Variants in QRFP observed in about 807,000 individuals in gnomAD.
The protein encoded by QRFP is orexigenic neuropeptide QRFP.
A neutral mutation model predicts 9.1 loss-of-function variants in QRFP; 7 were observed. The ratio of observed to expected loss-of-function variants is 0.77; its 90% CI spans 0.44 to 1.45. QRFP has a LOEUF of 1.45. Among genes scored for constraint, QRFP ranks in the 40% most tolerant of loss-of-function variants. The pLI, the probability that QRFP is intolerant of heterozygous loss-of-function variation, is 0.01. For synonymous variants in QRFP, 91 were observed against 80.2 expected, an observed-to-expected ratio of 1.13 and a Z score of -0.72; for missense variants, 204 against 185.4, an observed-to-expected ratio of 1.10 and a Z score of -0.58.
intron 2 of QRFP, among the ~76,000 whole-genome samples, chr9:130,894,701 T>C (rs1042672447): frequency 6.6e-5 from 10 of 152,268 alleles, no homozygotes; most frequent in East Asian, 1.9e-4. Context: ...CCAGATCTCA[T>C]GGCCTTATCA....
chr9:130,893,697 G>A lies in QRFP; in HGVS notation c.142C>T (p.Arg48Ter), dbSNP rs141580916. Residue 48 changes from arginine to a stop codon, truncating the protein, a stop_gained, in exon 3 of 3, where the codon CGA becomes TGA. Transcript: ENST00000623824. LOFTEE classifies it high-confidence loss of function. ...ERWADLAMGP[R>*]PHSVWGSSRW... Reference sequence around the variant, plus strand: ...GAGGAACCCCACACGGAGTGGGGTCGGGGCCCCATGGCCAGGTCGGCCCAG... The same window carrying A: ...GAGGAACCCCACACGGAGTGGGGTCAGGGCCCCATGGCCAGGTCGGCCCAG... 35 of 1,609,194 alleles carry A rather than the reference G, an allele frequency of 2.2e-5. No homozygotes were observed. Among genetic ancestry groups the A allele is most frequent in the Admixed American group, 6.7e-5 (4 of 59,454 alleles).
Position 130,893,565 on chromosome 9 carries a change from C to T in QRFP, c.274G>A (p.Asp92Asn). 6.2e-7 allele frequency: 1 copy of T among 1,612,898 alleles called. No homozygotes were observed. The highest frequency in any genetic ancestry group is 8.5e-7 in the Non-Finnish European group (1 of 1,179,830). ...AGCRFRFGRQDEGSEATGFLP... is the reference protein window; with the variant it reads ...AGCRFRFGRQNEGSEATGFLP... ...AAGCCGGTGGCCTCACTGCCTTCGT[C>T]CTGCCTCCCGAAGCGGAATCTGCAG... The change falls in exon 3 of 3, where the codon GAC (aspartate) becomes AAC (asparagine). Residue 92 changes from aspartate to asparagine, a missense_variant. Transcript: ENST00000623824.
chr9:130,895,172 G>A (rs2133052388), intron 2 of QRFP, among the ~76,000 whole-genome samples: 1 of 152,336 alleles, frequency 6.6e-6, no homozygotes, highest in African/African-American at 2.4e-5. Flanking sequence ...CAGGGCGCAG[G>A]CAGAGTGGGG....
chr9:130,895,407 A>G (rs1436271570), intron 2 of QRFP, among the ~76,000 whole-genome samples: 1 of 152,202 alleles, frequency 6.6e-6, no homozygotes, highest in Admixed American at 6.5e-5. Flanking sequence ...AATCTGGTAG[A>G]AAGTGGGGAT....
chr9:130,896,174 G>A (rs1831755527), intron 1 of QRFP, among the ~76,000 whole-genome samples, 193 bp from the exon 2 acceptor site: 1 of 152,178 alleles, frequency 6.6e-6, no homozygotes, highest in African/African-American at 2.4e-5. Flanking sequence ...TTGCAGGATG[G>A]CTTTCATGGG....
intron 2 of QRFP, among the ~76,000 whole-genome samples, chr9:130,894,129 C>T (rs955953586): frequency 1.3e-5 from 2 of 152,078 alleles, no homozygotes; most frequent in Non-Finnish European, 2.9e-5. Flanking sequence ...CAGGCGGCCC[C>T]GGGAGAGTCA....
intron 2 of QRFP, among the ~76,000 whole-genome samples, chr9:130,895,393 C>T (rs1417720273): frequency 1.3e-5 from 2 of 152,222 alleles, no homozygotes; most frequent in Admixed American, 6.5e-5. Context: ...TGCACCCCTT[C>T]AAGAATCTGG....
chr9:130,894,184 A>G (rs2133051612), intron 2 of QRFP, among the ~76,000 whole-genome samples: 1 of 152,358 alleles, frequency 6.6e-6, no homozygotes, highest in South Asian at 2.1e-4. Flanking sequence ...TGGCCATATC[A>G]TTGCAGAGCC....
chr9:130,893,940 CA>C (rs1588287712), intron 2 of QRFP, 102 bp from the exon 3 acceptor site: 1 of 1,157,974 alleles, frequency 8.6e-7, no homozygotes, highest in East Asian at 2.6e-5. Flanking sequence ...TAGATGTGAG[CA>C]GGGGGCTCAG....
intron 2 of QRFP, among the ~76,000 whole-genome samples, chr9:130,894,856 C>T (rs768479878): frequency 1.3e-5 from 2 of 152,138 alleles, no homozygotes; most frequent in Non-Finnish European, 2.9e-5. Context: ...AACACTTGCT[C>T]CCTTGTCTGG....
intron 2 of QRFP, among the ~76,000 whole-genome samples, chr9:130,894,407 C>T (rs1363246474): frequency 6.6e-6 from 1 of 152,094 alleles, no homozygotes; most frequent in Non-Finnish European, 1.5e-5. Context: ...GCCTGGGCAC[C>T]GTAGGTCTGC....
At chr9:130,894,319 TG>T (rs1386795446) in intron 2 of QRFP, among the ~76,000 whole-genome samples, 1 of 152,194 alleles carries the variant, frequency 6.6e-6, no homozygotes, top group Admixed American at 6.5e-5. Flanking sequence ...GAGTTGCTCC[TG>T]AAAGCCAGAA....
At chr9:130,894,668 T>A (rs1831733551) in intron 2 of QRFP, among the ~76,000 whole-genome samples, 1 of 152,148 alleles carries the variant, frequency 6.6e-6, no homozygotes, top group African/African-American at 2.4e-5. Context: ...GGTGTCGGTC[T>A]CAAACAGCTG....
intron 2 of QRFP, among the ~76,000 whole-genome samples, chr9:130,894,402 G>T (rs1831730303): frequency 1.3e-5 from 2 of 152,116 alleles, no homozygotes; most frequent in African/African-American, 4.8e-5. Context: ...CTGGGGCCTG[G>T]GCACCGTAGG....
intron 2 of QRFP, 96 bp from the exon 3 acceptor site, chr9:130,893,934 TG>T: frequency 8.0e-7 from 1 of 1,247,580 alleles, no homozygotes. Flanking sequence ...GCAGCGTAGA[TG>T]TGAGCAGGGG....
In QRFP at chr9:130,893,353, A is replaced by G; in HGVS notation, c.*75T>C. On this transcript the variant is annotated 3_prime_UTR_variant, in exon 3 of 3. Coordinates refer to ENST00000623824, the MANE Select transcript of QRFP (RefSeq NM_198180.3). ...TCATCTGGGTGTCGTGGTCTTTGAGACTGGGGGAGAAGGCAGGAGTGAAGA... is the reference window on the plus strand; with the variant it reads ...TCATCTGGGTGTCGTGGTCTTTGAGGCTGGGGGAGAAGGCAGGAGTGAAGA... 2.8e-6 allele frequency: 4 copies of G among 1,445,446 alleles called. No homozygotes were observed. The highest frequency in any genetic ancestry group is 3.7e-6 in the Non-Finnish European group (4 of 1,071,544). The allele number at this position is 1,445,446 out of a possible 1,614,324, so 89.5% of individuals were successfully genotyped here. A position where few individuals can be genotyped will look rare whatever the true frequency, so the allele number is the denominator to read the frequency against.
Position 130,893,350 on chromosome 9 carries a change from G to T in QRFP, c.*78C>A. On this transcript the variant is annotated 3_prime_UTR_variant, in exon 3 of 3. Coordinates refer to ENST00000623824, the MANE Select transcript of QRFP (RefSeq NM_198180.3). ...ACATCATCTGGGTGTCGTGGTCTTT[G>T]AGACTGGGGGAGAAGGCAGGAGTGA... 1 of 1,434,844 alleles carries T rather than the reference G, an allele frequency of 7.0e-7. No individual in the cohort carries two copies. Among genetic ancestry groups the T allele is most frequent in the Non-Finnish European group, 9.4e-7 (1 of 1,062,816 alleles). The allele number at this position is 1,434,844 out of a possible 1,614,324, so 88.9% of individuals were successfully genotyped here.
Position 130,893,406 on chromosome 9 carries a change from C to T in QRFP, c.*22G>A. ...ATGGGGGTGAGTCCAAGAAGCAAAT[C>T]CTTCCAAGGCGTCCTGGCCCTTCAC... On this transcript the variant is annotated 3_prime_UTR_variant, in exon 3 of 3. Transcript: ENST00000623824. The T allele has an allele frequency of 1.3e-6, 2 of 1,542,632 alleles. No homozygotes were observed. Among genetic ancestry groups the T allele is most frequent in the Admixed American group, 3.9e-5 (2 of 51,154 alleles).
In QRFP at chr9:130,892,818, C is replaced by T. The variant is rs1831700777; in HGVS notation, c.*610G>A. ...AAAACGGGATTCCTTCCCAACGCATCTCCCAGGAGACTCCTGGCCGGGCTA... is the reference window on the plus strand; with the variant it reads ...AAAACGGGATTCCTTCCCAACGCATTTCCCAGGAGACTCCTGGCCGGGCTA... On this transcript the variant is annotated 3_prime_UTR_variant, in exon 3 of 3. Transcript: ENST00000623824. 2 of 152,260 alleles carry T rather than the reference C, an allele frequency of 1.3e-5. No individual in the cohort carries two copies. The highest frequency in any genetic ancestry group is 4.1e-4 in the South Asian group (2 of 4,840). The allele number at this position is 152,260 out of a possible 1,614,324, so 9.4% of individuals were successfully genotyped here. A position where few individuals can be genotyped will look rare whatever the true frequency, so the allele number is the denominator to read the frequency against.
Sources: gnomAD v4.1 joint callset for allele counts (sites outside exome capture counted in the v4.1 genomes callset) on GRCh38, gnomAD v4.1.1 for gene constraint, MANE v1.5 for transcripts, NCBI Gene and HGNC (gene_info 2026-07-23, HGNC 2026-07-21) for gene names.